The following PAQR8 variants were observed in gnomAD, a reference collection of about 807,000 sequenced individuals.
The protein encoded by PAQR8 is membrane progestin receptor beta.
A neutral mutation model predicts 25.2 loss-of-function variants in PAQR8; 17 were observed. That is an observed-to-expected ratio of 0.67 (90% CI 0.46 to 1.01). The LOEUF is 1.01. PAQR8 is among the 50% of genes least tolerant of loss of function. The probability of loss-of-function intolerance (pLI) is 0.00; values close to 1 mark genes in which losing one functional copy is unlikely to be tolerated. For synonymous variants in PAQR8, 204 were observed against 190.6 expected (o/e 1.07, Z -0.58); for missense variants, 392 against 448.4 (o/e 0.87, Z 1.14).
intron 1 of PAQR8, among the ~76,000 whole-genome samples, chr6:52,374,715 C>G (rs1204384671): frequency 6.6e-6 from 1 of 152,010 alleles, no homozygotes; most frequent in Admixed American, 6.6e-5. Flanking sequence ...GATTCCTAAA[C>G]CTCTGTTTCC....
intron 1 of PAQR8, chr6:52,373,601 G>A (rs1239406072): frequency 6.6e-6 from 1 of 152,234 alleles, no homozygotes; most frequent in Non-Finnish European, 1.5e-5. Context: ...CTCCTCACCT[G>A]GGAGCCAGTT....
chr6:52,385,727 A>G (rs957705009), intron 1 of PAQR8, among the ~76,000 whole-genome samples: 1 of 152,148 alleles, frequency 6.6e-6, no homozygotes, highest in Admixed American at 6.5e-5. Flanking sequence ...CTACAAAAAA[A>G]TACAAAAAAT....
At position 52,403,246 on chromosome 6, in the gene PAQR8, C is replaced by G; in HGVS notation, c.33C>G (p.Thr11=). MTTAILERLS[T]LSVSGQQLRR... Reference sequence around the variant, plus strand: ...CCGCCATCTTGGAGCGCCTGAGCACCCTGTCGGTCAGCGGGCAGCAGCTGC... The same window carrying G: ...CCGCCATCTTGGAGCGCCTGAGCACGCTGTCGGTCAGCGGGCAGCAGCTGC... Residue 11 remains threonine, a synonymous_variant, in exon 2 of 2, where the codon ACC becomes ACG. Coordinates refer to ENST00000442253, the MANE Select transcript of PAQR8 (RefSeq NM_133367.5). 4 of 1,608,274 alleles carry G rather than the reference C, an allele frequency of 2.5e-6. No individual in the cohort carries two copies. Among genetic ancestry groups the G allele is most frequent in the Non-Finnish European group, 3.4e-6 (4 of 1,175,866 alleles).
chr6:52,403,047 G>T, intron 1 of PAQR8, 115 bp from the exon 2 acceptor site: 1 of 634,212 alleles, frequency 1.6e-6, no homozygotes. Flanking sequence ...CTCTAGCCTG[G>T]GCGACAGAGT....
chr6:52,393,242 AG>A, intron 1 of PAQR8, among the ~76,000 whole-genome samples: 1 of 152,176 alleles, frequency 6.6e-6, no homozygotes, highest in African/African-American at 2.4e-5. Flanking sequence ...AGTTTAAATA[AG>A]TTAATATTTT....
intron 1 of PAQR8, among the ~76,000 whole-genome samples, chr6:52,394,363 A>G (rs145948007): frequency 5.1e-4 from 78 of 152,368 alleles, no homozygotes; most frequent in African/African-American, 1.9e-3. Flanking sequence ...AAAGTTACTG[A>G]AAAGGAAATG....
At chr6:52,386,212 C>A (rs1763631569) in intron 1 of PAQR8, among the ~76,000 whole-genome samples, 1 of 151,996 alleles carries the variant, frequency 6.6e-6, no homozygotes, top group South Asian at 2.1e-4. Flanking sequence ...GTTGGTGAGG[C>A]TGCAGAGGTT....
intron 1 of PAQR8, among the ~76,000 whole-genome samples, chr6:52,364,083 G>GTTTTTTTTTTTTTGTTTTTTTTT (rs1763322786): frequency 1.2e-5 from 1 of 84,268 alleles, no homozygotes; most frequent in Non-Finnish European, 2.2e-5. Context: ...TGAAAGATAT[G>GTTTTTTTTTTTTTGTTTTTTTTT]TTTTTTTTTT....
chr6:52,378,796 A>AT (rs1325702694), intron 1 of PAQR8, among the ~76,000 whole-genome samples: 9 of 149,028 alleles, frequency 6.0e-5, no homozygotes, highest in Non-Finnish European at 1.2e-4. Context: ...GTCTAAAAAA[A>AT]AAGGGGGGGA....
intron 1 of PAQR8, among the ~76,000 whole-genome samples, chr6:52,402,617 CA>C (rs5876274): frequency 0.42 from 48,684 of 115,498 alleles, 9,223 homozygotes; most frequent in East Asian, 0.68. Context: ...AACTCTGTCT[CA>C]AAAAAAAAAA....
chr6:52,400,910 C>G (rs1763822704), intron 1 of PAQR8, among the ~76,000 whole-genome samples: 1 of 152,224 alleles, frequency 6.6e-6, no homozygotes, highest in Non-Finnish European at 1.5e-5. Flanking sequence ...CAGCTCATAG[C>G]AATAAAAATG....
intron 1 of PAQR8, among the ~76,000 whole-genome samples, chr6:52,386,847 G>C (rs1456157960): frequency 1.3e-5 from 2 of 152,190 alleles, no homozygotes; most frequent in Non-Finnish European, 2.9e-5. Context: ...TTAAAATGAA[G>C]TAATTCTGAG....
chr6:52,398,098 AT>A (rs1442926743), intron 1 of PAQR8, among the ~76,000 whole-genome samples: 2 of 152,156 alleles, frequency 1.3e-5, no homozygotes, highest in African/African-American at 4.8e-5. Context: ...CAAAGGGAGA[AT>A]TTCATGGCAG....
intron 1 of PAQR8, among the ~76,000 whole-genome samples, chr6:52,376,147 A>G (rs774519276): frequency 5.9e-5 from 9 of 152,224 alleles, no homozygotes; most frequent in Non-Finnish European, 1.2e-4. Context: ...TTTGGAGAGT[A>G]TTAAGATAAT....
intron 1 of PAQR8, among the ~76,000 whole-genome samples, chr6:52,399,635 G>T (rs1763808059): frequency 6.6e-6 from 1 of 152,138 alleles, no homozygotes; most frequent in Non-Finnish European, 1.5e-5. Flanking sequence ...TGCAGACAGG[G>T]ATACTGGGAG....
rs1763300245 is a variant in PAQR8, at chr6:52,362,412, T to G, written c.-53+163T>G. On this transcript the variant is annotated intron_variant, in intron 1 of 1. Coordinates refer to ENST00000442253, the MANE Select transcript of PAQR8 (RefSeq NM_133367.5). The surrounding 1 kb of genome is among the most constrained non-coding windows in gnomAD (Gnocchi z 4.1). Reference sequence around the variant, plus strand: ...GAGGGGAGGTCCAGAGTCGCAGCGTTGGGAACCTGAGGCCAGGGGCCGGAG... The same window carrying G: ...GAGGGGAGGTCCAGAGTCGCAGCGTGGGGAACCTGAGGCCAGGGGCCGGAG... The G allele has an allele frequency of 6.6e-6, 1 of 152,284 alleles. No homozygotes were observed. Among genetic ancestry groups the G allele is most frequent in the Non-Finnish European group, 1.5e-5 (1 of 68,136 alleles). The allele number at this position is 152,284 out of a possible 1,614,324, so 9.4% of individuals were successfully genotyped here. A position where few individuals can be genotyped will look rare whatever the true frequency, so the allele number is the denominator to read the frequency against.
chr6:52,377,218 C>T (rs1388645331), intron 1 of PAQR8, among the ~76,000 whole-genome samples: 1 of 152,150 alleles, frequency 6.6e-6, no homozygotes, highest in African/African-American at 2.4e-5. Context: ...ATTCATCTTA[C>T]TCCTTGTAAT....
intron 1 of PAQR8, among the ~76,000 whole-genome samples, chr6:52,376,928 C>T (rs190254335): frequency 4.6e-5 from 7 of 152,200 alleles, no homozygotes; most frequent in Admixed American, 4.6e-4. Context: ...AAAGGGAGTG[C>T]TGGGGTGATG....
chr6:52,368,049 G>T (rs993386632), intron 1 of PAQR8, among the ~76,000 whole-genome samples: 1 of 152,040 alleles, frequency 6.6e-6, no homozygotes, highest in Non-Finnish European at 1.5e-5. Context: ...GGGCAACATG[G>T]CAAGACCCCA....
Sources: allele counts gnomAD v4.1 joint callset (sites outside exome capture counted in the v4.1 genomes callset), GRCh38; gene constraint gnomAD v4.1.1; non-coding constraint Gnocchi (gnomAD v3.1); transcripts MANE v1.5; gene names NCBI Gene and HGNC (gene_info 2026-07-23, HGNC 2026-07-21).